Variants in EPS15 observed in about 807,000 individuals in gnomAD.
The protein encoded by EPS15 is epidermal growth factor receptor substrate 15.
In EPS15, 72 loss-of-function variants were observed where a neutral mutation model predicts 113.8. The observed-to-expected ratio is 0.63, with a 90% confidence interval of 0.52 to 0.77. EPS15 has a LOEUF of 0.77. EPS15 is among the 30% of genes least tolerant of loss of function. The pLI is 0.00. For missense variants in EPS15, 1,048 were observed against 1,045.8 expected (o/e 1.00, Z -0.03); for synonymous variants, 344 against 363.4 (o/e 0.95, Z 0.61).
At chr1:51,515,234 T>C (rs1319458452) in intron 1 of EPS15, among the ~76,000 whole-genome samples, 1 of 151,626 alleles carries the variant, frequency 6.6e-6, no homozygotes, top group African/African-American at 2.4e-5. Flanking sequence ...ATTAAGTCCC[T>C]ACTTAAGGGC....
intron 24 of EPS15, among the ~76,000 whole-genome samples, chr1:51,358,101 AGT>A (rs1229587158): frequency 6.6e-6 from 1 of 152,082 alleles, no homozygotes; most frequent in African/African-American, 2.4e-5. Flanking sequence ...TGAGCTCAGA[AGT>A]TCAAGAAGTT....
At chr1:51,441,841 C>T (rs145968828) in intron 11 of EPS15, among the ~76,000 whole-genome samples, 101 of 152,244 alleles carry the variant, frequency 6.6e-4, no homozygotes, top group African/African-American at 2.3e-3. Context: ...TGCTATTTCA[C>T]GCAATGCCCC....
At chr1:51,396,937 G>C (rs1237935544) in intron 20 of EPS15, among the ~76,000 whole-genome samples, 1 of 151,436 alleles carries the variant, frequency 6.6e-6, no homozygotes, top group Non-Finnish European at 1.5e-5. Context: ...CTGGAGTGCT[G>C]TGGTACAATC....
chr1:51,373,476 ATTC>A (rs1038898016), intron 21 of EPS15, among the ~76,000 whole-genome samples: 1 of 152,206 alleles, frequency 6.6e-6, no homozygotes, highest in African/African-American at 2.4e-5. Flanking sequence ...GGTACTCCTC[ATTC>A]TTCTATTTAT....
In EPS15 at chr1:51,399,047, A is replaced by G. The variant is rs767901059; in HGVS notation, c.2037T>C (p.Asn679=). ...SSTDPFSAAN[N]SSITSVETLK... Reference sequence around the variant, plus strand: ...TCCCACTTACCGATGTAATACTGCTATTGTTGGCTGCACTGAAAGGGTCAG... The same window carrying G: ...TCCCACTTACCGATGTAATACTGCTGTTGTTGGCTGCACTGAAAGGGTCAG... Residue 679 remains asparagine (N), a synonymous_variant, in exon 20 of 25, where the codon AAT becomes AAC. Coordinates refer to ENST00000371733, the MANE Select transcript of EPS15 (RefSeq NM_001981.3). 1.2e-6 allele frequency: 2 copies of G among 1,613,608 alleles called. No homozygotes were observed. The highest frequency in any genetic ancestry group is 2.7e-5 in the African/African-American group (2 of 74,874).
In EPS15 at chr1:51,409,656, T is replaced by C. The variant is rs1409107440; in HGVS notation, c.1154A>G (p.Gln385Arg). 3 of 1,613,316 alleles carry C rather than the reference T, an allele frequency of 1.9e-6. No individual in the cohort carries two copies. The highest frequency in any genetic ancestry group is 1.1e-5 in the South Asian group (1 of 90,994). The change falls in exon 14 of 25, where the codon CAA (glutamine) becomes CGA (arginine). Residue 385 changes from glutamine (Q) to arginine (R), a missense_variant. Gln to Arg is a conservative substitution (Grantham distance 43). Transcript: ENST00000371733. ...CTGCTGTTTCTGGGCCTGTAGTTTT[T>C]GCAGATTAGTATTCTCCCTTTGAAC... ...DEVQRENTNL[Q>R]KLQAQKQQVQ...
chr1:51,409,500 A>G, intron 14 of EPS15, 35 bp downstream of exon 14: 2 of 1,564,352 alleles, frequency 1.3e-6, no homozygotes, highest in Non-Finnish European at 1.7e-6. Flanking sequence ...CAACTAATGT[A>G]TAGGTGCAGG....
At chr1:51,446,860 C>G in intron 10 of EPS15, 100 bp downstream of exon 10, 1 of 1,012,408 alleles carries the variant, frequency 9.9e-7, no homozygotes, top group Non-Finnish European at 1.4e-6. Flanking sequence ...AATTCTGAAA[C>G]AAAAACTGTC....
chr1:51,447,273 GGAAGA>G (rs975464790), intron 9 of EPS15, among the ~76,000 whole-genome samples, 168 bp from the exon 10 acceptor site: 1 of 152,092 alleles, frequency 6.6e-6, no homozygotes, highest in Non-Finnish European at 1.5e-5. Context: ...AATGCTGTGG[GGAAGA>G]GAAAATAACA....
chr1:51,475,328 T>C (rs946269637), intron 2 of EPS15, among the ~76,000 whole-genome samples: 1 of 151,898 alleles, frequency 6.6e-6, no homozygotes, highest in Non-Finnish European at 1.5e-5. Context: ...TTTCTCCACA[T>C]CCTCTCTAAC....
At chr1:51,431,552 TCTC>T (rs1416660693) in intron 12 of EPS15, among the ~76,000 whole-genome samples, 2 of 151,990 alleles carry the variant, frequency 1.3e-5, no homozygotes, top group East Asian at 3.9e-4. Flanking sequence ...TTCAAGCAGT[TCTC>T]CTGTCTCGGC....
chr1:51,400,893 A>T (rs976838162), intron 19 of EPS15, 25 bp downstream of exon 19: 2 of 1,510,320 alleles, frequency 1.3e-6, no homozygotes, highest in African/African-American at 2.8e-5. Context: ...ATGAAAGCTA[A>T]GATGAAACTC....
chr1:51,355,210 CA>C lies in EPS15; in HGVS notation c.*1489del, dbSNP rs1646193683. 4.6e-6 allele frequency: 1 copy of C among 219,604 alleles called. No individual in the cohort carries two copies. The highest frequency in any genetic ancestry group is 5.8e-5 in the Admixed American group (1 of 17,326). 13.6% of individuals were successfully genotyped at this position (219,604 alleles called of 1,614,324 possible). Reference sequence around the variant, plus strand: ...GTCTAATTGTGTAATGGAAAGAAAACAAAACAAGCACCATTTCAAGAAGAAA... The same window carrying C: ...GTCTAATTGTGTAATGGAAAGAAAACAAACAAGCACCATTTCAAGAAGAAA... On this transcript the variant is annotated 3_prime_UTR_variant, in exon 25 of 25. Transcript: ENST00000371733.
At position 51,447,049 on chromosome 1, in the gene EPS15, A is replaced by G; in HGVS notation, c.708T>C (p.Asp236=). 1 of 1,613,644 alleles carries G rather than the reference A, an allele frequency of 6.2e-7. No individual in the cohort carries two copies. The highest frequency in any genetic ancestry group is 8.5e-7 in the Non-Finnish European group (1 of 1,179,674). Residue 236 remains aspartate (D), a synonymous_variant, in exon 10 of 25, where the codon GAT becomes GAC. Coordinates refer to ENST00000371733, the MANE Select transcript of EPS15 (RefSeq NM_001981.3). ...AKYDEIFLKT[D]KDMDGFVSGL... ...CAGACACAAATCCGTCCATATCTTT[A>G]TCAGTTTTCAGGAAGATTTCATCAT...
At chr1:51,367,724 T>A (rs1225103024) in intron 21 of EPS15, among the ~76,000 whole-genome samples, 1 of 152,184 alleles carries the variant, frequency 6.6e-6, no homozygotes, top group Non-Finnish European at 1.5e-5. Context: ...CGTCAAAGAA[T>A]GTTTATAGGA....
chr1:51,368,188 A>G (rs1646550685), intron 21 of EPS15, among the ~76,000 whole-genome samples: 1 of 152,208 alleles, frequency 6.6e-6, no homozygotes, highest in Non-Finnish European at 1.5e-5. Flanking sequence ...TTCTTAGAAC[A>G]AAAGTGTGCC....
At chr1:51,438,456 T>A (rs947208) in intron 12 of EPS15, among the ~76,000 whole-genome samples, 45,478 of 152,042 alleles carry the variant, frequency 0.3, 9,132 homozygotes, top group African/African-American at 0.57. Context: ...AGAGCATTTT[T>A]TCTATGATGC....
At chr1:51,379,293 TA>T (rs1646880125) in intron 21 of EPS15, among the ~76,000 whole-genome samples, 1 of 152,252 alleles carries the variant, frequency 6.6e-6, no homozygotes, top group Admixed American at 6.5e-5. Context: ...ATAATTTTTG[TA>T]TTTTTAGTAG....
At position 51,406,005 on chromosome 1, in the gene EPS15, T is replaced by C. The variant is rs745457619; in HGVS notation, c.1577A>G (p.Tyr526Cys). Reference protein sequence around the residue: ...HSILVNGATDYCSLSTSSSET... With the variant: ...HSILVNGATDCCSLSTSSSET... ...ACTGCTGCTGGTGCTGAGGCTGCAA[T>C]AATCTGTAGCTCCGTTTACAAGAAT... Residue 526 changes from tyrosine (Y) to cysteine (C), a missense_variant, in exon 16 of 25, where the codon TAT becomes TGT. Transcript: ENST00000371733. 1.1e-5 allele frequency: 17 copies of C among 1,614,198 alleles called. No individual in the cohort carries two copies. The East Asian group carries it at 3.3e-4, about 32-fold the overall frequency.
Sources: allele counts gnomAD v4.1 joint callset (sites outside exome capture counted in the v4.1 genomes callset), GRCh38; gene constraint gnomAD v4.1.1; transcripts MANE v1.5; gene names NCBI Gene and HGNC (gene_info 2026-07-23, HGNC 2026-07-21).